Variants in CRYBG1 observed in about 807,000 individuals in gnomAD.
CRYBG1 encodes the protein beta/gamma crystallin domain-containing protein 1.
In CRYBG1, 139 loss-of-function variants were observed where a neutral mutation model predicts 189.2. That is an observed-to-expected ratio of 0.73 (90% CI 0.64 to 0.85). CRYBG1 has a LOEUF of 0.85. Ranked by LOEUF, CRYBG1 falls within the 40% of genes least tolerant of loss-of-function variation. CRYBG1 has a pLI of 0.00. For synonymous variants in CRYBG1, 1,023 were observed against 1,017.1 expected (o/e 1.01, Z -0.11); for missense variants, 2,611 against 2,675.8 (o/e 0.98, Z 0.53).
chr6:106,502,828 A>C (rs1773037482), intron 2 of CRYBG1, among the ~76,000 whole-genome samples: 1 of 152,050 alleles, frequency 6.6e-6, no homozygotes, highest in Non-Finnish European at 1.5e-5. Context: ...GCTAAAAAAA[A>C]CCTTAGGCTT....
intron 2 of CRYBG1, among the ~76,000 whole-genome samples, chr6:106,497,930 C>T (rs918505388): frequency 4.6e-5 from 7 of 151,520 alleles, no homozygotes; most frequent in African/African-American, 1.5e-4. Context: ...GTCTCTACTA[C>T]AAATACAAAA....
At chr6:106,473,096 A>G (rs1338154644) in intron 2 of CRYBG1, among the ~76,000 whole-genome samples, 1 of 152,208 alleles carries the variant, frequency 6.6e-6, no homozygotes, top group African/African-American at 2.4e-5. Context: ...AACAGTGCTC[A>G]TTAGATTGTT....
At chr6:106,548,810 G>A (rs1311215922) in intron 13 of CRYBG1, among the ~76,000 whole-genome samples, 5 of 151,392 alleles carry the variant, frequency 3.3e-5, no homozygotes, top group Admixed American at 1.3e-4. Flanking sequence ...AGTTACATAT[G>A]TATACATGTG....
rs1280718811 is a variant in CRYBG1 at position 106,521,416 on chromosome 6, G to C, written c.4208G>C (p.Ser1403Thr). 1.1e-5 allele frequency: 18 copies of C among 1,590,096 alleles called. No homozygotes were observed. The Admixed American group carries it at 2.2e-4, about 20-fold the overall frequency. The change falls in exon 4 of 22, where the codon AGC (serine) becomes ACC (threonine). Residue 1403 changes from serine to threonine, a missense_variant. By Grantham distance (58) the Ser-to-Thr change is moderately conservative. Around this residue, in one of 3 missense-constraint regions of CRYBG1, gnomAD observed 1,622 missense variants for 1,735.0 expected, o/e 0.93. Coordinates refer to ENST00000633556, the MANE Select transcript of CRYBG1 (RefSeq NM_001371242.2). ...GLFKSSRYDP[S>T]ISFSGMSLSD... Reference sequence around the variant, plus strand: ...TTCAAATCAAGCCGGTATGACCCAAGCATTTCTTTTTCTGGAATGTCATTA... The same window carrying C: ...TTCAAATCAAGCCGGTATGACCCAACCATTTCTTTTTCTGGAATGTCATTA...
chr6:106,520,987 T>C lies in CRYBG1; in HGVS notation c.3779T>C (p.Val1260Ala). ...LPQDKIFSPS[V>A]TSVNTMTTAF... The stretch of plus-strand genomic sequence containing the variant: ...CAAGACAAAATCTTTTCTCCTTCTG[T>C]GACATCAGTCAACACTATGACCACG... The change falls in exon 4 of 22, where the codon GTG (valine) becomes GCG (alanine). Residue 1260 changes from valine (V) to alanine (A), a missense_variant. Physicochemically the swap from Val to Ala is moderately conservative, Grantham distance 64 (BLOSUM62 0). Coordinates refer to ENST00000633556, the MANE Select transcript of CRYBG1 (RefSeq NM_001371242.2). 1.2e-6 allele frequency: 2 copies of C among 1,614,180 alleles called. No homozygotes were observed. The highest frequency in any genetic ancestry group is 1.7e-6 in the Non-Finnish European group (2 of 1,180,024).
chr6:106,551,675 C>T (rs1770727), intron 13 of CRYBG1, among the ~76,000 whole-genome samples, 177 bp from the exon 14 acceptor site: 9,590 of 152,278 alleles, frequency 0.063, 977 homozygotes, highest in African/African-American at 0.21. Context: ...GCTTACCATT[C>T]TGATTTGTCC....
chr6:106,519,351 G>A lies in CRYBG1; in HGVS notation c.2143G>A (p.Ala715Thr), dbSNP rs761551205. The A allele has an allele frequency of 1.5e-4, 240 of 1,614,030 alleles. No homozygotes were observed. The highest frequency in any genetic ancestry group is 1.9e-4 in the Non-Finnish European group (228 of 1,180,038). Residue 715 changes from alanine to threonine, a missense_variant, in exon 4 of 22, where the codon GCA (alanine) becomes ACA (threonine). Physicochemically the swap from Ala to Thr is moderately conservative, Grantham distance 58 (BLOSUM62 0). Transcript: ENST00000633556. The part of the protein sequence containing the change: ...PASSKTFVGR[A>T]KLNLAKKAKE... ...CTCTAGTAAAACGTTTGTTGGGAGG[G>A]CAAAGCTGAATTTAGCCAAAAAAGC...
At chr6:106,436,830 G>T (rs1482421758) in intron 1 of CRYBG1, among the ~76,000 whole-genome samples, 1 of 151,954 alleles carries the variant, frequency 6.6e-6, no homozygotes, top group Non-Finnish European at 1.5e-5. Context: ...GAGTTATAGG[G>T]GATAGGTATA....
chr6:106,369,918 C>G (rs564679884), intron 1 of CRYBG1, among the ~76,000 whole-genome samples: 4 of 152,314 alleles, frequency 2.6e-5, no homozygotes, highest in Admixed American at 1.3e-4. Context: ...AAGAGTGAGG[C>G]TGGGATTCCC....
intron 1 of CRYBG1, among the ~76,000 whole-genome samples, chr6:106,390,517 T>A (rs1770479897): frequency 1.3e-5 from 2 of 152,176 alleles, no homozygotes; most frequent in Admixed American, 1.3e-4. Context: ...CATTTGTGTA[T>A]ATACATGTAA....
At chr6:106,440,285 G>C (rs1771543832) in intron 1 of CRYBG1, among the ~76,000 whole-genome samples, 1 of 144,446 alleles carries the variant, frequency 6.9e-6, no homozygotes, top group Non-Finnish European at 1.5e-5. Context: ...TTTCTTTTGA[G>C]ACAGAGTCTC....
At position 106,561,490 on chromosome 6, in the gene CRYBG1, T is replaced by C; in HGVS notation, c.6128T>C (p.Ile2043Thr). 1.2e-6 allele frequency: 2 copies of C among 1,612,268 alleles called. No individual in the cohort carries two copies. Among genetic ancestry groups the C allele is most frequent in the Non-Finnish European group, 1.7e-6 (2 of 1,178,818 alleles). Residue 2043 changes from isoleucine (I) to threonine (T), a missense_variant, in exon 20 of 22, where the codon ATC (isoleucine) becomes ACC (threonine). Transcript: ENST00000633556. ...ATTTGGATCTATCAAGAAGGATGTATCAAATGCAGGGTGAGCTTTAGGATT... is the reference window on the plus strand; with the variant it reads ...ATTTGGATCTATCAAGAAGGATGTACCAAATGCAGGGTGAGCTTTAGGATT... ...DQIWIYQEGC[I>T]KCRIAEDCCL...
chr6:106,409,843 C>A (rs1023085708), intron 1 of CRYBG1, among the ~76,000 whole-genome samples: 1 of 152,098 alleles, frequency 6.6e-6, no homozygotes, highest in Non-Finnish European at 1.5e-5. Context: ...GAATCTGTAC[C>A]CCTTCCTTAC....
chr6:106,407,168 C>G (rs1317300185), intron 1 of CRYBG1, among the ~76,000 whole-genome samples: 7 of 151,290 alleles, frequency 4.6e-5, no homozygotes, highest in African/African-American at 1.7e-4. Flanking sequence ...CACATAGCCT[C>G]AAAATAAAGG....
At chr6:106,466,916 T>C (rs6934474) in intron 2 of CRYBG1, among the ~76,000 whole-genome samples, 126,540 of 152,222 alleles carry the variant, frequency 0.83, 52,740 homozygotes, top group East Asian at 0.96. Context: ...ATTTCAGAGA[T>C]GGCATTAGTA....
chr6:106,406,237 G>C (rs573035508), intron 1 of CRYBG1, among the ~76,000 whole-genome samples: 1 of 152,098 alleles, frequency 6.6e-6, no homozygotes, highest in South Asian at 2.1e-4. Context: ...GCATACACAA[G>C]TATAAATAGC....
At chr6:106,531,803 A>C (rs1773880721) in intron 8 of CRYBG1, among the ~76,000 whole-genome samples, 2 of 152,156 alleles carry the variant, frequency 1.3e-5, no homozygotes, top group Non-Finnish European at 2.9e-5. Flanking sequence ...CAGAAGCCCG[A>C]TGGTATTCTT....
rs1271286259 is a variant in CRYBG1 at position 106,543,643 on chromosome 6, A to G, written c.5039+46A>G. On this transcript the variant is annotated intron_variant, in intron 11 of 21. Transcript: ENST00000633556. ...TTAGGATTTCTTTTTTTTCCGAAAT[A>G]TTAAGTAATAAATGTGCCCTTTCCC... 2.5e-6 allele frequency: 4 copies of G among 1,582,320 alleles called. No individual in the cohort carries two copies. In the East Asian group the frequency reaches 6.7e-5, roughly 27 times the overall value.
intron 1 of CRYBG1, among the ~76,000 whole-genome samples, chr6:106,391,902 C>T (rs1002800904): frequency 6.6e-6 from 1 of 150,928 alleles, no homozygotes; most frequent in Non-Finnish European, 1.5e-5. Context: ...AAAGTGGAGT[C>T]GTTTCCAAAA....
Sources: gnomAD v4.1 joint callset for allele counts (sites outside exome capture counted in the v4.1 genomes callset) on GRCh38, gnomAD v4.1.1 for gene constraint, gnomAD v4.1.1 regional missense constraint, MANE v1.5 for transcripts, NCBI Gene and HGNC (gene_info 2026-07-23, HGNC 2026-07-21) for gene names.